APC: variants seen among roughly 807,000 people sequenced by gnomAD.
APC encodes the protein adenomatous polyposis coli protein.
A neutral mutation model predicts 247.0 loss-of-function variants in APC; 72 were observed. The ratio of observed to expected loss-of-function variants is 0.29; its 90% confidence interval spans 0.24 to 0.35. The LOEUF (loss-of-function observed/expected upper bound fraction) is 0.35, where lower values mean the gene tolerates loss of function less well. Ranked by LOEUF, APC falls within the 10% of genes least tolerant of loss-of-function variation. The pLI is 1.00. For synonymous variants in APC, 1,254 were observed against 1,162.5 expected, an observed-to-expected ratio of 1.08 and a Z score of -1.60; for missense variants, 3,400 against 3,360.7, an observed-to-expected ratio of 1.01 and a Z score of -0.29.
At position 112,707,696 on chromosome 5, in the gene APC, T is replaced by G. The variant is rs765199134; in HGVS notation, c.-22T>G. 1.9e-5 allele frequency: 26 copies of G among 1,370,580 alleles called. No individual in the cohort carries two copies. Among genetic ancestry groups the G allele is most frequent in the Non-Finnish European group, 2.4e-5 (25 of 1,038,740 alleles). The allele number at this position is 1,370,580 out of a possible 1,614,324, so 84.9% of individuals were successfully genotyped here. The stretch of plus-strand genomic sequence containing the variant: ...GAGGAAGGTGAAGCACTCAGTTGCC[T>G]TCTCGGGCCTCGGCGCCCCCTATGT... On this transcript the variant is annotated 5_prime_UTR_variant, in exon 1 of 14. Transcript: ENST00000507379.
intron 1 of APC, among the ~76,000 whole-genome samples, chr5:112,743,227 TC>T (rs775160242): frequency 4.6e-5 from 7 of 152,228 alleles, no homozygotes; most frequent in African/African-American, 7.2e-5. Context: ...CCCTTCTGCC[TC>T]CTTCTTAAAA....
intron 1 of APC, among the ~76,000 whole-genome samples, chr5:112,727,135 A>C (rs1751831816): frequency 6.6e-6 from 1 of 152,018 alleles, no homozygotes; most frequent in African/African-American, 2.4e-5. Flanking sequence ...TAGTCAGGTG[A>C]TCAAGAGGTT....
intron 11 of APC, 117 bp downstream of exon 11, chr5:112,822,108 C>A: frequency 1.4e-6 from 1 of 726,740 alleles, no homozygotes; most frequent in East Asian, 2.7e-5. Context: ...GGATATAAGG[C>A]CACCAACTTC....
rs1766974987 is a variant in APC at position 112,846,114 on chromosome 5, C to T, written c.*1988C>T. The T allele has an allele frequency of 4.3e-6, 1 of 232,186 alleles. No homozygotes were observed. The highest frequency in any genetic ancestry group is 2.2e-5 in the African/African-American group (1 of 45,262). The allele number at this position is 232,186 out of a possible 1,614,324, so 14.4% of individuals were successfully genotyped here. A position where few individuals can be genotyped will look rare whatever the true frequency, so the allele number is the denominator to read the frequency against. On this transcript the variant is annotated 3_prime_UTR_variant, in exon 16 of 16. Transcript: ENST00000257430. ...TGTCTACTGCACCACTTTGTAAACA[C>T]TTCAATTTACTATCTTTGAAATGAT... is the stretch of plus-strand genomic sequence containing the variant.
chr5:112,714,146 G>A (rs1442333789), intron 1 of APC, among the ~76,000 whole-genome samples: 1 of 152,228 alleles, frequency 6.6e-6, no homozygotes, highest in Non-Finnish European at 1.5e-5. Context: ...TATTGAAATA[G>A]AGTTGTGGTT....
chr5:112,794,772 C>T (rs1013507841), intron 7 of APC, among the ~76,000 whole-genome samples: 2 of 152,186 alleles, frequency 1.3e-5, no homozygotes, highest in African/African-American at 2.4e-5. Context: ...CATTTCTGCC[C>T]AGTGTGTTAC....
intron 6 of APC, among the ~76,000 whole-genome samples, chr5:112,787,352 A>G (rs940029576): frequency 5.3e-5 from 8 of 152,220 alleles, no homozygotes; most frequent in African/African-American, 1.2e-4. Flanking sequence ...ATTACTGGTC[A>G]TAAGGTATGA....
chr5:112,835,245 A>G, intron 15 of APC, 80 bp downstream of exon 15: 9 of 1,285,008 alleles, frequency 7.0e-6, no homozygotes, highest in Non-Finnish European at 8.8e-6. Context: ...AATGTTTTAT[A>G]TAATCATGAA....
chr5:112,798,029 A>G (rs1175683657), intron 7 of APC, among the ~76,000 whole-genome samples: 1 of 152,192 alleles, frequency 6.6e-6, no homozygotes, highest in Non-Finnish European at 1.5e-5. Context: ...TCCTCAAAAT[A>G]TTAAACATAT....
intron 15 of APC, among the ~76,000 whole-genome samples, chr5:112,835,828 C>T (rs1764828788): frequency 1.3e-5 from 2 of 151,922 alleles, no homozygotes; most frequent in South Asian, 2.1e-4. Flanking sequence ...CTGTCTCAGC[C>T]TCCCTAAGTG....
At chr5:112,788,733 C>T (rs928871743) in intron 6 of APC, among the ~76,000 whole-genome samples, 1 of 151,990 alleles carries the variant, frequency 6.6e-6, no homozygotes, top group Non-Finnish European at 1.5e-5. Context: ...GTTTTTGTTG[C>T]TATTATAAGT....
intron 6 of APC, among the ~76,000 whole-genome samples, chr5:112,787,700 A>G (rs1759122624): frequency 6.6e-6 from 1 of 152,178 alleles, no homozygotes; most frequent in Non-Finnish European, 1.5e-5. Flanking sequence ...AATCCTTTGT[A>G]GATAATATAC....
intron 2 of APC, among the ~76,000 whole-genome samples, chr5:112,758,792 G>T (rs1432605980): frequency 6.6e-6 from 1 of 151,878 alleles, no homozygotes; most frequent in South Asian, 2.1e-4. Flanking sequence ...TAGTAGAGAC[G>T]GAGTTTTGCC....
intron 9 of APC, 146 bp from the exon 10 acceptor site, chr5:112,818,820 T>C: frequency 2.3e-6 from 2 of 880,374 alleles, no homozygotes; most frequent in East Asian, 2.5e-5. Context: ...CCTGGAAAGG[T>C]TTTCCGGTTT....
intron 1 of APC, chr5:112,738,436 G>C: frequency 2.0e-6 from 2 of 985,886 alleles, no homozygotes; most frequent in African/African-American, 3.5e-5. Context: ...GAGCTACTGG[G>C]GATGAGAGAA....
At chr5:112,732,029 T>C (rs541186559) in intron 1 of APC, among the ~76,000 whole-genome samples, 2 of 152,378 alleles carry the variant, frequency 1.3e-5, no homozygotes, top group Admixed American at 1.3e-4. Context: ...CCCAAAGTGC[T>C]GGGGTTACAG....
rs1160204218 is a variant in APC at position 112,841,796 on chromosome 5, A to T, written c.6202A>T (p.Met2068Leu). 6.2e-7 allele frequency: 1 copy of T among 1,613,950 alleles called. No individual in the cohort carries two copies. The highest frequency in any genetic ancestry group is 1.3e-5 in the African/African-American group (1 of 74,922). ...TAATGAAAAACATAGTCCCAGAAAT[A>T]TGGGTGGCATATTAGGTGAAGATCT... is the stretch of plus-strand genomic sequence containing the variant. The part of the protein sequence containing the change: ...GDNEKHSPRN[M>L]GGILGEDLTL... The change falls in exon 16 of 16, where the codon ATG (methionine) becomes TTG (leucine). Residue 2068 changes from methionine to leucine, a missense_variant. Physicochemically the swap from Met to Leu is conservative, Grantham distance 15 (BLOSUM62 2). This residue lies in a region of APC where 1,788 missense variants were observed against 1,649.5 expected (regional missense o/e 1.08). Transcript: ENST00000257430. The surrounding 1 kb of genome is among the most constrained non-coding windows in gnomAD (Gnocchi z 4.6).
In APC at chr5:112,753,619, C is replaced by T. The variant is rs897895636; in HGVS notation, c.-18-1254C>T. Among the ~76,000 whole-genome samples the T allele has an allele frequency of 2.6e-5, 4 of 152,102 alleles. No individual in the cohort carries two copies. The South Asian group carries it at 6.2e-4, about 24-fold the overall frequency. On this transcript the variant is annotated intron_variant, in intron 1 of 15. Coordinates refer to ENST00000257430, the MANE Select transcript of APC (RefSeq NM_000038.6). ...ATCCCTGCCTGCAGGACTCCCCTTC[C>T]TCCTCAGATGTCATTGGATTGTACC... is the stretch of plus-strand genomic sequence containing the variant.
At chr5:112,809,125 G>A (rs1761719590) in intron 8 of APC, among the ~76,000 whole-genome samples, 1 of 151,972 alleles carries the variant, frequency 6.6e-6, no homozygotes, top group African/African-American at 2.4e-5. Flanking sequence ...GCAAAGGCAG[G>A]TGGATCACTT....
Sources: gnomAD v4.1 joint callset for allele counts (sites outside exome capture counted in the v4.1 genomes callset) on GRCh38, gnomAD v4.1.1 for gene constraint, gnomAD v4.1.1 regional missense constraint, Gnocchi (gnomAD v3.1) non-coding constraint, MANE v1.5 for transcripts, NCBI Gene and HGNC (gene_info 2026-07-23, HGNC 2026-07-21) for gene names.